Variants in RCC1L observed in about 807,000 individuals in gnomAD.
The protein encoded by RCC1L is RCC1 like, also known as RCC1-like G exchanging factor-like protein.
In RCC1L, 46 loss-of-function variants were observed where a neutral mutation model predicts 58.6. That is an observed-to-expected ratio of 0.79 (90% confidence interval 0.62 to 1.00). The LOEUF (loss-of-function observed/expected upper bound fraction) is 1.00. RCC1L is among the 50% of genes least tolerant of loss of function. The pLI is 0.00. For missense variants in RCC1L, 636 were observed against 623.6 expected (o/e 1.02, Z -0.21); for synonymous variants, 281 against 262.9 (o/e 1.07, Z -0.67).
chr7:75,064,469 G>GC, intron 4 of RCC1L, 113 bp downstream of exon 4: 3 of 1,146,292 alleles, frequency 2.6e-6, no homozygotes, highest in South Asian at 2.5e-5. Flanking sequence ...AGTTCTCACG[G>GC]CCCCCTCTCA....
At chr7:75,062,212 G>C (rs1183987215) in intron 5 of RCC1L, among the ~76,000 whole-genome samples, 2 of 151,584 alleles carry the variant, frequency 1.3e-5, no homozygotes, top group African/African-American at 4.8e-5. Context: ...CTTGCACAAA[G>C]TCACTCAGTC....
At chr7:75,051,212 G>A (rs993590310) in intron 10 of RCC1L, among the ~76,000 whole-genome samples, 15 of 143,148 alleles carry the variant, frequency 1.0e-4, no homozygotes, top group East Asian at 5.9e-4. Context: ...ATATATAAAC[G>A]TATAATATAA....
chr7:75,027,882 C>T, exon 11 of RCC1L: 1 of 897,608 alleles, frequency 1.1e-6, no homozygotes, highest in South Asian at 1.4e-5. Context: ...GGCCGTCTGC[C>T]CTTGTCCCCC....
At chr7:75,047,198 C>T (rs1380771401) in intron 10 of RCC1L, among the ~76,000 whole-genome samples, 2 of 152,136 alleles carry the variant, frequency 1.3e-5, no homozygotes, top group African/African-American at 2.4e-5. Flanking sequence ...CCTCGTGATC[C>T]GCCCGCCTCG....
At chr7:75,067,857 C>A (rs933393892) in intron 2 of RCC1L, among the ~76,000 whole-genome samples, 5 of 151,558 alleles carry the variant, frequency 3.3e-5, no homozygotes, top group Admixed American at 1.3e-4. Context: ...CTTACCCCCC[C>A]AAAAAATTAA....
chr7:75,073,208 CA>C (rs1282192191), intron 1 of RCC1L, among the ~76,000 whole-genome samples: 2 of 152,208 alleles, frequency 1.3e-5, no homozygotes, highest in South Asian at 2.1e-4. Flanking sequence ...CACGACCCGG[CA>C]CAACATCTGG....
At position 75,066,735 on chromosome 7, in the gene RCC1L, G is replaced by C; in HGVS notation, c.512C>G (p.Pro171Arg). 6.2e-7 allele frequency: 1 copy of C among 1,613,656 alleles called. No individual in the cohort carries two copies. The highest frequency in any genetic ancestry group is 8.5e-7 in the Non-Finnish European group (1 of 1,179,772). The part of the protein sequence containing the change: ...PSPVSLPLDR[P>R]QETRVLQVSC... Reference sequence around the variant, plus strand: ...GACCTGCAGCACCCGTGTCTCCTGAGGTCTGTCCAGAGGCAGGGAGACGGG... The same window carrying C: ...GACCTGCAGCACCCGTGTCTCCTGACGTCTGTCCAGAGGCAGGGAGACGGG... Residue 171 changes from proline (P) to arginine (R), a missense_variant, in exon 3 of 11, where the codon CCT becomes CGT. Transcript: ENST00000610322.
downstream of RCC1L, among the ~76,000 whole-genome samples, chr7:75,041,064 A>AG (rs1805547497): frequency 8.5e-5 from 13 of 152,062 alleles, no homozygotes; most frequent in African/African-American, 3.1e-4. Context: ...CTAAAAATAC[A>AG]AAAATTAACT....
chr7:75,071,868 C>T (rs1463604179), intron 1 of RCC1L, among the ~76,000 whole-genome samples: 5 of 151,570 alleles, frequency 3.3e-5, no homozygotes, highest in African/African-American at 9.7e-5. Flanking sequence ...GTTAATATAG[C>T]TAAAGCCCTT....
chr7:75,058,893 G>A, intron 6 of RCC1L, 124 bp from the exon 7 acceptor site: 1 of 1,249,948 alleles, frequency 8.0e-7, no homozygotes, highest in South Asian at 1.4e-5. Flanking sequence ...ATCCCAGTCT[G>A]GGGCTGGGTG....
At chr7:75,031,987 G>A (rs1197495605) in intron 10 of RCC1L, among the ~76,000 whole-genome samples, 1 of 152,188 alleles carries the variant, frequency 6.6e-6, no homozygotes, top group African/African-American at 2.4e-5. Flanking sequence ...CAGAGCAAGA[G>A]ATTCAAGGGT....
exon 11 of RCC1L, chr7:75,027,988 G>C (rs1471167531): frequency 3.3e-6 from 5 of 1,528,970 alleles, no homozygotes; most frequent in Non-Finnish European, 4.4e-6. Context: ...ATCCGCAGTT[G>C]CATGGAACTC....
chr7:75,054,595 A>C (rs1176500711), intron 9 of RCC1L, among the ~76,000 whole-genome samples: 1 of 152,234 alleles, frequency 6.6e-6, no homozygotes, highest in African/African-American at 2.4e-5. Context: ...ACTCTTATTT[A>C]TCAAATCAAA....
At chr7:75,043,359 G>A (rs1805624019) in intron 10 of RCC1L, among the ~76,000 whole-genome samples, 1 of 152,220 alleles carries the variant, frequency 6.6e-6, no homozygotes, top group African/African-American at 2.4e-5. Context: ...ATGAGGACAA[G>A]GCCATCCCAA....
At chr7:75,039,393 A>C (rs1805496814), downstream of RCC1L, among the ~76,000 whole-genome samples, 2 of 152,330 alleles carry the variant, frequency 1.3e-5, no homozygotes, top group South Asian at 4.1e-4. Context: ...GCGCAGAAGT[A>C]TTTCCTGAAT....
intron 5 of RCC1L, 100 bp from the exon 6 acceptor site, chr7:75,061,391 C>A (rs1276305086): frequency 2.1e-6 from 2 of 958,890 alleles, no homozygotes; most frequent in Admixed American, 3.5e-5. Flanking sequence ...CGCTCCTGGG[C>A]ACCTGGAGCA....
At chr7:75,062,124 G>A (rs1806295264) in intron 5 of RCC1L, among the ~76,000 whole-genome samples, 1 of 151,922 alleles carries the variant, frequency 6.6e-6, no homozygotes, top group South Asian at 2.1e-4. Flanking sequence ...GGAGGCAGAG[G>A]TTGCTCTGAG....
At chr7:75,039,043 G>A (rs1475228683), downstream of RCC1L, among the ~76,000 whole-genome samples, 4 of 152,228 alleles carry the variant, frequency 2.6e-5, no homozygotes, top group African/African-American at 9.6e-5. Flanking sequence ...GTTTTGCCAT[G>A]TTGGCCAGGC....
At chr7:75,035,826 G>A (rs1805420407) in intron 10 of RCC1L, among the ~76,000 whole-genome samples, 1 of 151,772 alleles carries the variant, frequency 6.6e-6, no homozygotes, top group Admixed American at 6.6e-5. Context: ...ACACAGTGAG[G>A]TCCCCCCATC....
Sources: gnomAD v4.1 joint callset for allele counts (sites outside exome capture counted in the v4.1 genomes callset) on GRCh38, gnomAD v4.1.1 for gene constraint, MANE v1.5 for transcripts, NCBI Gene and HGNC (gene_info 2026-07-23, HGNC 2026-07-21) for gene names.